Variants in HDAC11 observed in about 807,000 individuals in gnomAD.
The protein encoded by HDAC11 is histone deacetylase 11.
In HDAC11, 23 loss-of-function variants were observed where a neutral mutation model predicts 41.1. The observed-to-expected ratio is 0.56, with a 90% CI of 0.40 to 0.79. The LOEUF (loss-of-function observed/expected upper bound fraction) is 0.79, where lower values mean the gene tolerates loss of function less well. HDAC11 is among the 30% of genes least tolerant of loss of function. The probability of loss-of-function intolerance (pLI) is 0.00; values close to 1 mark genes in which losing one functional copy is unlikely to be tolerated. For synonymous variants in HDAC11, 187 were observed against 186.6 expected (o/e 1.00, Z -0.02); for missense variants, 402 against 477.3 (o/e 0.84, Z 1.47).
In HDAC11 at chr3:13,485,609, A is replaced by G. The variant is rs563613880; in HGVS notation, c.252+2045A>G. The stretch of plus-strand genomic sequence containing the variant: ...CTTGGTCCCCCAAAAGCCTGAAAGC[A>G]GCTTACTATGTGATATATAATAATA... On this transcript the variant is annotated intron_variant, in intron 3 of 9. Transcript: ENST00000295757. Among the ~76,000 whole-genome samples the G allele has an allele frequency of 2.0e-5, 3 of 152,356 alleles. No homozygotes were observed. The South Asian group carries it at 6.2e-4, about 32-fold the overall frequency.
In HDAC11 at chr3:13,496,644, C is replaced by T. The variant is rs1236344260; in HGVS notation, c.253-92C>T. The T allele has an allele frequency of 7.9e-6, 6 of 761,418 alleles. No individual in the cohort carries two copies. In the East Asian group the frequency reaches 1.4e-4, roughly 18 times the overall value. 47.2% of individuals were successfully genotyped at this position (761,418 alleles called of 1,614,324 possible). A position where few individuals can be genotyped will look rare whatever the true frequency, so the allele number is the denominator to read the frequency against. The stretch of plus-strand genomic sequence containing the variant: ...GAGTTCATCCAAGGGCACCTGGAAA[C>T]TGTCCTCAAGGCATTTCCCGGGGAA... On this transcript the variant is annotated intron_variant, in intron 3 of 9. Coordinates refer to ENST00000295757, the MANE Select transcript of HDAC11 (RefSeq NM_024827.4).
In HDAC11 at chr3:13,500,709, G is replaced by T. The variant is rs371080961; in HGVS notation, c.413-4G>T. Reference sequence around the variant, plus strand: ...GAGCAGCACCGCTCTCTGCCCTTCCGCAGGGGGTGGCTTCCACCACTGCTC... The same window carrying T: ...GAGCAGCACCGCTCTCTGCCCTTCCTCAGGGGGTGGCTTCCACCACTGCTC... On this transcript the variant is annotated splice_region_variant and splice_polypyrimidine_tract_variant and intron_variant, in intron 5 of 9. Transcript: ENST00000295757. The T allele has an allele frequency of 1.0e-4, 163 of 1,586,918 alleles. No homozygotes were observed. The highest frequency in any genetic ancestry group is 2.4e-4 in the South Asian group (21 of 87,328).
At chr3:13,503,457 G>C (rs958866817) in intron 8 of HDAC11, among the ~76,000 whole-genome samples, 1 of 152,226 alleles carries the variant, frequency 6.6e-6, no homozygotes, top group African/African-American at 2.4e-5. Flanking sequence ...CCAGCTACTC[G>C]GGAGGCTGAG....
intron 3 of HDAC11, among the ~76,000 whole-genome samples, chr3:13,491,258 G>A (rs1185104056): frequency 6.6e-6 from 1 of 152,022 alleles, no homozygotes; most frequent in East Asian, 1.9e-4. Flanking sequence ...CAGTAGTGGA[G>A]CAGGCATCTT....
intron 3 of HDAC11, among the ~76,000 whole-genome samples, chr3:13,491,351 C>T (rs569471327): frequency 9.2e-5 from 14 of 152,024 alleles, no homozygotes; most frequent in Admixed American, 2.6e-4. Flanking sequence ...AATTTTTTAA[C>T]GCCTTTTATC....
chr3:13,484,625 C>T (rs571872755), intron 3 of HDAC11, among the ~76,000 whole-genome samples: 1 of 152,206 alleles, frequency 6.6e-6, no homozygotes, highest in Non-Finnish European at 1.5e-5. Flanking sequence ...CTCCCGGGTT[C>T]AAACAATTTT....
chr3:13,506,028 C>T lies in HDAC11; in HGVS notation c.*1345C>T, dbSNP rs1702610141. 6.6e-6 allele frequency: 1 copy of T among 152,382 alleles called. No individual in the cohort carries two copies. The highest frequency in any genetic ancestry group is 1.9e-4 in the East Asian group (1 of 5,190). The allele number at this position is 152,382 out of a possible 1,614,324, so 9.4% of individuals were successfully genotyped here. On this transcript the variant is annotated 3_prime_UTR_variant, in exon 10 of 10. Transcript: ENST00000295757. ...GGTGCTCCCACTGTCTCCCGGCCTC[C>T]CTAATGCTCCCTCTGCTGCAGGGAG...
intron 1 of HDAC11, 60 bp from the exon 2 acceptor site, chr3:13,481,186 A>T: frequency 1.3e-6 from 2 of 1,555,098 alleles, no homozygotes; most frequent in Admixed American, 1.8e-5. Context: ...CGGGCTCGGG[A>T]GGGAGCTGCT....
At chr3:13,494,765 T>A (rs766514491) in intron 3 of HDAC11, among the ~76,000 whole-genome samples, 2 of 152,188 alleles carry the variant, frequency 1.3e-5, no homozygotes, top group Non-Finnish European at 2.9e-5. Context: ...CCATGGGCAT[T>A]CCCCAGCAGT....
intron 3 of HDAC11, among the ~76,000 whole-genome samples, chr3:13,487,879 T>G (rs566362064): frequency 6.6e-6 from 1 of 151,642 alleles, no homozygotes; most frequent in East Asian, 1.9e-4. Flanking sequence ...TGGTGCTGAG[T>G]GTCGTGAAGA....
rs1701308862 is a variant in HDAC11, at chr3:13,481,349, C to G, written c.106C>G (p.Pro36Ala). 1 of 1,614,118 alleles carries G rather than the reference C, an allele frequency of 6.2e-7. No individual in the cohort carries two copies. ...ITFMGLEKLH[P>A]FDAGKWGKVI... ...CTTCATGGGCCTGGAGAAGCTGCAT[C>G]CCTTTGATGCCGGAAAATGGGGCAA... Residue 36 changes from proline to alanine, a missense_variant, in exon 2 of 10, where the codon CCC becomes GCC. Transcript: ENST00000295757.
At chr3:13,497,857 T>TG (rs1702171970) in intron 4 of HDAC11, among the ~76,000 whole-genome samples, 2 of 138,282 alleles carry the variant, frequency 1.4e-5, no homozygotes, top group African/African-American at 5.3e-5. Flanking sequence ...TTTTTTGCTT[T>TG]TTTTTTTTTT....
intron 5 of HDAC11, among the ~76,000 whole-genome samples, chr3:13,499,562 G>A (rs1407743153): frequency 6.6e-6 from 1 of 152,214 alleles, no homozygotes; most frequent in African/African-American, 2.4e-5. Flanking sequence ...GTACTGGATC[G>A]TGTAGAGCCC....
chr3:13,495,672 T>C (rs185981620), intron 3 of HDAC11, among the ~76,000 whole-genome samples: 354 of 152,334 alleles, frequency 2.3e-3, no homozygotes, highest in African/African-American at 8.0e-3. Flanking sequence ...TGTGTGAGCC[T>C]GTGCTAGGAG....
chr3:13,504,782 A>T lies in HDAC11; in HGVS notation c.*99A>T. 9.5e-7 allele frequency: 1 copy of T among 1,057,820 alleles called. No individual in the cohort carries two copies. The allele number at this position is 1,057,820 out of a possible 1,614,324, so 65.5% of individuals were successfully genotyped here. ...GTGGTGGAGGCAGCCTTCAGTGAGC[A>T]TGGAGGGGCAGGGCCATCCCTGGCT... On this transcript the variant is annotated 3_prime_UTR_variant, in exon 10 of 10. Coordinates refer to ENST00000295757, the MANE Select transcript of HDAC11 (RefSeq NM_024827.4).
At chr3:13,496,644 C>G (rs1236344260) in intron 3 of HDAC11, 92 bp from the exon 4 acceptor site, 3 of 761,418 alleles carry the variant, frequency 3.9e-6, no homozygotes, top group Non-Finnish European at 6.7e-6. Flanking sequence ...CACCTGGAAA[C>G]TGTCCTCAAG....
At chr3:13,487,627 T>G (rs1259247399) in intron 3 of HDAC11, among the ~76,000 whole-genome samples, 1 of 152,148 alleles carries the variant, frequency 6.6e-6, no homozygotes, top group Non-Finnish European at 1.5e-5. Flanking sequence ...CGGGTGACAG[T>G]TTGCCATGGA....
intron 2 of HDAC11, among the ~76,000 whole-genome samples, chr3:13,482,830 C>T (rs1406973090): frequency 2.0e-5 from 3 of 152,136 alleles, no homozygotes; most frequent in African/African-American, 2.4e-5. Context: ...CAGGGTCTCA[C>T]TCCCATCACC....
chr3:13,502,089 A>C lies in HDAC11; in HGVS notation c.552+156A>C. The C allele has an allele frequency of 1.5e-6, 1 of 647,906 alleles. No homozygotes were observed. The highest frequency in any genetic ancestry group is 2.7e-5 in the East Asian group (1 of 36,652). The allele number at this position is 647,906 out of a possible 1,614,324, so 40.1% of individuals were successfully genotyped here. A position where few individuals can be genotyped will look rare whatever the true frequency, so the allele number is the denominator to read the frequency against. ...TACAAATGCAGGGTCTGTCTTTGTCACTCTGTCCAGGACAGCGGGTCCTCC... is the reference window on the plus strand; with the variant it reads ...TACAAATGCAGGGTCTGTCTTTGTCCCTCTGTCCAGGACAGCGGGTCCTCC... On this transcript the variant is annotated intron_variant, in intron 7 of 9. Transcript: ENST00000295757. The surrounding 1 kb of genome is among the most constrained non-coding windows in gnomAD (Gnocchi z 4.1).
Sources: allele counts gnomAD v4.1 joint callset (sites outside exome capture counted in the v4.1 genomes callset), GRCh38; gene constraint gnomAD v4.1.1; non-coding constraint Gnocchi (gnomAD v3.1); transcripts MANE v1.5; gene names NCBI Gene and HGNC (gene_info 2026-07-23, HGNC 2026-07-21).